The following HGD variants were observed in gnomAD, a reference collection of about 807,000 sequenced individuals.
HGD encodes the protein homogentisate oxidase.
A neutral mutation model predicts 60.8 loss-of-function variants in HGD; 61 were observed. The observed-to-expected ratio is 1.00, with a 90% CI of 0.82 to 1.24. HGD has a LOEUF of 1.24. Among genes scored for constraint, HGD ranks in the 50% most tolerant of loss-of-function variants. The pLI is 0.00. For synonymous variants in HGD, 212 were observed against 187.7 expected (o/e 1.13, Z -1.06); for missense variants, 542 against 547.1 (o/e 0.99, Z 0.09).
intron 4 of HGD, among the ~76,000 whole-genome samples, chr3:120,664,249 G>A (rs1407279337): frequency 6.6e-6 from 1 of 152,098 alleles, no homozygotes; most frequent in Non-Finnish European, 1.5e-5. Flanking sequence ...GGTGAGGTGA[G>A]AGAAGACAGA....
intron 12 of HGD, among the ~76,000 whole-genome samples, chr3:120,635,695 G>T (rs1425697917): frequency 6.6e-6 from 1 of 151,366 alleles, no homozygotes; most frequent in Non-Finnish European, 1.5e-5. Flanking sequence ...ACGAACTCAG[G>T]GTACCCATAC....
intron 1 of HGD, among the ~76,000 whole-genome samples, chr3:120,681,826 C>A (rs1708235785): frequency 6.6e-6 from 1 of 152,170 alleles, no homozygotes; most frequent in Non-Finnish European, 1.5e-5. Flanking sequence ...TGGAGGGGAG[C>A]TCTTAGGATG....
intron 3 of HGD, 138 bp downstream of exon 3, chr3:120,674,763 C>T (rs1708089956): frequency 2.9e-6 from 2 of 697,234 alleles, no homozygotes; most frequent in Non-Finnish European, 5.3e-6. Context: ...TCTCTTCTGA[C>T]CATGACCCAG....
At chr3:120,672,169 TTCTG>T (rs1708038323) in intron 3 of HGD, among the ~76,000 whole-genome samples, 1 of 152,238 alleles carries the variant, frequency 6.6e-6, no homozygotes, top group South Asian at 2.1e-4. Context: ...AAATTAACAC[TTCTG>T]TACTCTAAAA....
chr3:120,654,741 C>T (rs1395015128), intron 4 of HGD, among the ~76,000 whole-genome samples: 4 of 152,182 alleles, frequency 2.6e-5, no homozygotes, highest in Admixed American at 2.6e-4. Context: ...GTTTGTTGTA[C>T]TGGGACAATA....
rs774133808 is a variant in HGD, at chr3:120,647,923, A to G, written c.435-12T>C. 2 of 1,603,364 alleles carry G rather than the reference A, an allele frequency of 1.2e-6. No homozygotes were observed. The highest frequency in any genetic ancestry group is 8.5e-7 in the Non-Finnish European group (1 of 1,170,118). On this transcript the variant is annotated splice_polypyrimidine_tract_variant and intron_variant, in intron 6 of 13. Transcript: ENST00000283871. Reference sequence around the variant, plus strand: ...AATTGTAAAAGCATCTGAAACATATAGAGTAATTCTTGTGATTTTCAGTTT... The same window carrying G: ...AATTGTAAAAGCATCTGAAACATATGGAGTAATTCTTGTGATTTTCAGTTT...
intron 5 of HGD, among the ~76,000 whole-genome samples, chr3:120,652,339 G>A (rs1181774401): frequency 1.6e-5 from 2 of 128,574 alleles, no homozygotes. Context: ...AGGAACTTAA[G>A]TAAGAAAATG....
rs1940853773 is a variant in HGD, at chr3:120,638,467, G to A, written c.994C>T (p.Pro332Ser). The A allele has an allele frequency of 6.2e-7, 1 of 1,613,908 alleles. No individual in the cohort carries two copies. Among genetic ancestry groups the A allele is most frequent in the Non-Finnish European group, 8.5e-7 (1 of 1,179,906 alleles). The change falls in exon 12 of 14, where the codon CCT becomes TCT. Residue 332 changes from proline to serine, a missense_variant. Physicochemically the swap from Pro to Ser is moderately conservative, Grantham distance 74. This residue lies in a region of HGD where 537 missense variants were observed against 529.1 expected (regional missense o/e 1.01). Transcript: ENST00000283871. ...WGVADKTFRPPYYHRNCMSEF... is the reference protein window; with the variant it reads ...WGVADKTFRPSYYHRNCMSEF... Reference sequence around the variant, plus strand: ...AAGAGAGACTTACTATGGTAATAAGGAGGCCTGAAGGTCTTATCAGCAACC... The same window carrying A: ...AAGAGAGACTTACTATGGTAATAAGAAGGCCTGAAGGTCTTATCAGCAACC...
intron 5 of HGD, 98 bp downstream of exon 5, chr3:120,652,494 A>G: frequency 1.2e-6 from 1 of 865,256 alleles, no homozygotes; most frequent in Non-Finnish European, 2.0e-6. Context: ...GCCTCCTGAT[A>G]GGGCTGCTTC....
At chr3:120,674,829 G>C in intron 3 of HGD, 72 bp downstream of exon 3, 1 of 1,009,438 alleles carries the variant, frequency 9.9e-7, no homozygotes, top group Admixed American at 1.7e-5. Context: ...GTGGCCCAGG[G>C]GAAGGAGGCA....
intron 4 of HGD, among the ~76,000 whole-genome samples, chr3:120,660,505 T>C (rs2107532942): frequency 6.6e-6 from 1 of 152,232 alleles, no homozygotes; most frequent in South Asian, 2.1e-4. Context: ...ATAATGAGGA[T>C]CCAAGTCACT....
chr3:120,652,349 G>A (rs565501544), intron 5 of HGD, among the ~76,000 whole-genome samples: 1 of 152,248 alleles, frequency 6.6e-6, no homozygotes, highest in East Asian at 1.9e-4. Flanking sequence ...GTAAGAAAAT[G>A]TTCAATTGTC....
intron 4 of HGD, among the ~76,000 whole-genome samples, chr3:120,665,148 C>T (rs1288645666): frequency 6.6e-6 from 1 of 152,160 alleles, no homozygotes; most frequent in African/African-American, 2.4e-5. Context: ...GAAAGTTTGA[C>T]AAATTAGACA....
chr3:120,640,906 A>C (rs1444715555), intron 11 of HGD, among the ~76,000 whole-genome samples: 2 of 152,130 alleles, frequency 1.3e-5, no homozygotes, highest in African/African-American at 4.8e-5. Context: ...CTTGTGGGTT[A>C]GGTTCATCTC....
intron 4 of HGD, chr3:120,670,172 A>C (rs1030281744): frequency 7.9e-6 from 4 of 506,076 alleles, no homozygotes; most frequent in Non-Finnish European, 1.4e-5. Flanking sequence ...AGGCCTCCTC[A>C]GCCATGCAGA....
At chr3:120,633,371 G>T in intron 12 of HGD, 43 bp from the exon 13 acceptor site, 1 of 1,613,866 alleles carries the variant, frequency 6.2e-7, no homozygotes, top group South Asian at 1.1e-5. Context: ...TCCAAGGCAA[G>T]ACCAGTAAAA....
chr3:120,662,186 G>A (rs1679905449), intron 4 of HGD, among the ~76,000 whole-genome samples: 1 of 152,168 alleles, frequency 6.6e-6, no homozygotes, highest in African/African-American at 2.4e-5. Flanking sequence ...CTGGAAGCCT[G>A]CACTGGATTG....
intron 3 of HGD, among the ~76,000 whole-genome samples, chr3:120,670,768 C>T (rs1417167148): frequency 6.6e-6 from 1 of 152,180 alleles, no homozygotes; most frequent in Non-Finnish European, 1.5e-5. Flanking sequence ...TGGACTCTGA[C>T]TCATGGTTAT....
intron 12 of HGD, among the ~76,000 whole-genome samples, chr3:120,635,222 A>G (rs143994863): frequency 6.6e-6 from 1 of 152,196 alleles, no homozygotes; most frequent in Non-Finnish European, 1.5e-5. Context: ...TCACGCCTGT[A>G]ATCCCAGCAC....
Sources: allele counts gnomAD v4.1 joint callset (sites outside exome capture counted in the v4.1 genomes callset), GRCh38; gene constraint gnomAD v4.1.1; regional missense constraint gnomAD v4.1.1; transcripts MANE v1.5; gene names NCBI Gene and HGNC (gene_info 2026-07-23, HGNC 2026-07-21).